LRP1: variants seen among roughly 807,000 people sequenced by gnomAD.
LRP1 encodes the protein LDL receptor related protein 1, also known as prolow-density lipoprotein receptor-related protein 1.
LRP1 carries 51 observed loss-of-function variants against 541.5 expected under a neutral mutation model. The observed-to-expected ratio is 0.09, with a 90% CI of 0.08 to 0.12. LRP1 has a LOEUF of 0.12. Ranked by LOEUF, LRP1 falls within the 10% of genes least tolerant of loss-of-function variation. The pLI, the probability that LRP1 is intolerant of heterozygous loss-of-function variation, is 1.00. For missense variants in LRP1, 3,878 were observed against 6,376.2 expected (o/e 0.61, Z 13.34); for synonymous variants, 2,219 against 2,470.8 (o/e 0.90, Z 3.02).
chr12:57,132,733 C>T (rs2035063705), intron 1 of LRP1, among the ~76,000 whole-genome samples: 1 of 152,204 alleles, frequency 6.6e-6, no homozygotes, highest in Non-Finnish European at 1.5e-5. Flanking sequence ...ATTCTCTGCC[C>T]TGCTTTCTGC....
intron 11 of LRP1, among the ~76,000 whole-genome samples, chr12:57,159,592 CG>C (rs1209902122): frequency 6.6e-6 from 1 of 152,178 alleles, no homozygotes; most frequent in African/African-American, 2.4e-5. Context: ...CCATCTGCCA[CG>C]TGTGGTTTTG....
Position 57,212,921 on chromosome 12 carries a change from T to G in LRP1, c.*366T>G. The G allele has an allele frequency of 5.5e-6, 1 of 183,070 alleles. No homozygotes were observed. The highest frequency in any genetic ancestry group is 1.1e-5 in the Non-Finnish European group (1 of 87,226). The allele number at this position is 183,070 out of a possible 1,614,324, so 11.3% of individuals were successfully genotyped here. ...CTCTCCCCTCTCGCCCCATCCCTGCTTGCCCGCTCCCACAGCTTCCTGAGG... is the reference window on the plus strand; with the variant it reads ...CTCTCCCCTCTCGCCCCATCCCTGCGTGCCCGCTCCCACAGCTTCCTGAGG... On this transcript the variant is annotated 3_prime_UTR_variant, in exon 89 of 89. Transcript: ENST00000243077. This position sits in a 1 kb window ranked among gnomAD's most constrained non-coding sequence, Gnocchi z 5.0.
Position 57,199,935 on chromosome 12 carries a change from C to G in LRP1, c.9924C>G (p.Ser3308=). The G allele has an allele frequency of 6.3e-7, 1 of 1,595,524 alleles. No homozygotes were observed. Among genetic ancestry groups the G allele is most frequent in the South Asian group, 1.1e-5 (1 of 88,490 alleles). The change falls in exon 62 of 89, where the codon TCC becomes TCG. Residue 3308 remains serine (S), a synonymous_variant. Coordinates refer to ENST00000243077, the MANE Select transcript of LRP1 (RefSeq NM_002332.3). ...GCTGCAGCAACCTGTGCCTGCTGTC[C>G]CCCGGGGGAGGGCACAAATGTGCCT... ...NGGCSNLCLL[S]PGGGHKCACP...
At chr12:57,175,804 C>A in intron 23 of LRP1, 99 bp downstream of exon 23, 1 of 1,560,376 alleles carries the variant, frequency 6.4e-7, no homozygotes, top group South Asian at 1.2e-5. Flanking sequence ...GAGTTTTCCA[C>A]CCTAGCCCCC....
rs1401785799 is a variant in LRP1 at position 57,158,760 on chromosome 12, T to G, written c.1798+122T>G. ...GACTGGCTGGCTGCACTGGTTGGCA[T>G]GGAGATGAGGGGATAGACAGATTGA... is the stretch of plus-strand genomic sequence containing the variant. On this transcript the variant is annotated intron_variant, in intron 11 of 88. Coordinates refer to ENST00000243077, the MANE Select transcript of LRP1 (RefSeq NM_002332.3). The surrounding 1 kb of genome is among the most constrained non-coding windows in gnomAD (Gnocchi z 5.3). 2 of 897,580 alleles carry G rather than the reference T, an allele frequency of 2.2e-6. No individual in the cohort carries two copies. The highest frequency in any genetic ancestry group is 4.3e-5 in the Admixed American group (2 of 47,012). The allele number at this position is 897,580 out of a possible 1,614,324, so 55.6% of individuals were successfully genotyped here. A position where few individuals can be genotyped will look rare whatever the true frequency, so the allele number is the denominator to read the frequency against.
chr12:57,168,940 C>T (rs1226464554), intron 19 of LRP1, among the ~76,000 whole-genome samples, 200 bp from the exon 20 acceptor site: 1 of 152,222 alleles, frequency 6.6e-6, no homozygotes, highest in Non-Finnish European at 1.5e-5. Context: ...GCCTTCTCCT[C>T]CTCCTCATCC....
chr12:57,199,727 A>G lies in LRP1; in HGVS notation c.9866-150A>G, dbSNP rs2065816827. 3.1e-6 allele frequency: 3 copies of G among 981,682 alleles called. No individual in the cohort carries two copies. The South Asian group carries it at 5.4e-5, about 18-fold the overall frequency. 60.8% of individuals were successfully genotyped at this position (981,682 alleles called of 1,614,324 possible). A position where few individuals can be genotyped will look rare whatever the true frequency, so the allele number is the denominator to read the frequency against. On this transcript the variant is annotated intron_variant, in intron 61 of 88. Coordinates refer to ENST00000243077, the MANE Select transcript of LRP1 (RefSeq NM_002332.3). ...CCTTCAGGCCTGGCCTGATCCTGGG[A>G]CCTTAGAATCCTCTCCTATCTCCAG...
In LRP1 at chr12:57,209,033, G is replaced by A. The variant is rs1458281428; in HGVS notation, c.12146-50G>A. 7 of 1,480,998 alleles carry A rather than the reference G, an allele frequency of 4.7e-6. No individual in the cohort carries two copies. The South Asian group carries it at 5.7e-5, about 12-fold the overall frequency. 91.7% of individuals were successfully genotyped at this position (1,480,998 alleles called of 1,614,324 possible). A position where few individuals can be genotyped will look rare whatever the true frequency, so the allele number is the denominator to read the frequency against. ...GCATGGAGGCAGTTCTTTCCACCCC[G>A]AGCCTGGGTTGGGGAGGCCAAGCTC... On this transcript the variant is annotated intron_variant, in intron 78 of 88. Coordinates refer to ENST00000243077, the MANE Select transcript of LRP1 (RefSeq NM_002332.3).
At chr12:57,133,636 C>T (rs1472444300) in intron 1 of LRP1, among the ~76,000 whole-genome samples, 2 of 139,818 alleles carry the variant, frequency 1.4e-5, no homozygotes, top group South Asian at 2.7e-4. Context: ...CCCCACCCCA[C>T]CCCCCGCACC....
rs202109412 is a variant in LRP1 at position 57,184,484 on chromosome 12, G to C, written c.6186+32G>C. On this transcript the variant is annotated intron_variant, in intron 38 of 88. Coordinates refer to ENST00000243077, the MANE Select transcript of LRP1 (RefSeq NM_002332.3). This position sits in a 1 kb window ranked among gnomAD's most constrained non-coding sequence, Gnocchi z 7.8. ...ACGCCAACTTGGCCTTGGATCCGATGGTAGACCCCTGACCCAGGCTCCTGT... is the reference window on the plus strand; with the variant it reads ...ACGCCAACTTGGCCTTGGATCCGATCGTAGACCCCTGACCCAGGCTCCTGT... 1 of 1,613,542 alleles carries C rather than the reference G, an allele frequency of 6.2e-7. No homozygotes were observed. Among genetic ancestry groups the C allele is most frequent in the Admixed American group, 1.7e-5 (1 of 59,986 alleles).
Position 57,162,924 on chromosome 12 carries a change from G to A in LRP1, c.2471G>A (p.Ser824Asn), listed in dbSNP as rs773783524. 4.0e-5 allele frequency: 64 copies of A among 1,608,622 alleles called. No homozygotes were observed. Among genetic ancestry groups the A allele is most frequent in the South Asian group, 3.3e-5 (3 of 90,250 alleles). Residue 824 changes from serine (S) to asparagine (N), a missense_variant, in exon 15 of 89, where the codon AGC becomes AAC. Physicochemically the swap from Ser to Asn is conservative, Grantham distance 46. Coordinates refer to ENST00000243077, the MANE Select transcript of LRP1 (RefSeq NM_002332.3). The surrounding 1 kb of genome is among the most constrained non-coding windows in gnomAD (Gnocchi z 5.2). ...AGCCTGTGCTTGGCCACCCCTGGGA[G>A]CCGCCAGTGCGCCTGTGCTGAGGAC... ...CSSLCLATPG[S>N]RQCACAEDQV...
chr12:57,154,054 C>A lies in LRP1; in HGVS notation c.842-154C>A, dbSNP rs2035574113. On this transcript the variant is annotated intron_variant, in intron 6 of 88. Transcript: ENST00000243077. This position sits in a 1 kb window ranked among gnomAD's most constrained non-coding sequence, Gnocchi z 4.6. The stretch of plus-strand genomic sequence containing the variant: ...GCCAGCCAGCATTTACGCAAGCCCT[C>A]CTGTATATCCACTCTGAGCTAAGCA... Among the ~76,000 whole-genome samples, 1 of 152,190 alleles carries A rather than the reference C, an allele frequency of 6.6e-6. No individual in the cohort carries two copies. The highest frequency in any genetic ancestry group is 1.5e-5 in the Non-Finnish European group (1 of 68,036).
Position 57,145,438 on chromosome 12 carries a change from C to G in LRP1, c.789C>G (p.Gly263=). 6.2e-7 allele frequency: 1 copy of G among 1,614,098 alleles called. No homozygotes were observed. The highest frequency in any genetic ancestry group is 8.5e-7 in the Non-Finnish European group (1 of 1,180,012). ...QTQLKCARMP[G]LKGFVDEHTI... is the part of the protein sequence containing the mutation. ...AGCTCAAGTGTGCCCGCATGCCTGG[C>G]CTAAAGGGCTTCGTGGATGAGCACA... Residue 263 remains glycine (G), a synonymous_variant, in exon 6 of 89, where the codon GGC becomes GGG. Transcript: ENST00000243077.
intron 6 of LRP1, among the ~76,000 whole-genome samples, chr12:57,148,189 G>A (rs901607445): frequency 2.6e-4 from 38 of 147,090 alleles, no homozygotes; most frequent in African/African-American, 7.9e-4. Flanking sequence ...TTATAGTTAC[G>A]TTTTTATTTG....
At chr12:57,141,242 AAG>A in intron 2 of LRP1, 130 bp from the exon 3 acceptor site, 1 of 939,840 alleles carries the variant, frequency 1.1e-6, no homozygotes, top group South Asian at 1.7e-5. Flanking sequence ...TTCCAGGTGG[AAG>A]AGTCTAACTA....
rs1330352284 is a variant in LRP1 at position 57,185,013 on chromosome 12, C to T, written c.6338+23C>T. On this transcript the variant is annotated intron_variant, in intron 39 of 88. Transcript: ENST00000243077. The surrounding 1 kb of genome is among the most constrained non-coding windows in gnomAD (Gnocchi z 4.9). ...CAGGTGAGGGCTTCTGTCCTGGCCT[C>T]CTCAGCTGATCTCTTCCTTCCCTCC... The T allele has an allele frequency of 1.2e-6, 2 of 1,613,900 alleles. No homozygotes were observed. The highest frequency in any genetic ancestry group is 1.7e-6 in the Non-Finnish European group (2 of 1,179,810).
In LRP1 at chr12:57,162,558, G is replaced by C. The variant is rs2035758695; in HGVS notation, c.2404+40G>C. Reference sequence around the variant, plus strand: ...CTGGGGGCAGCGTGGGACCTGGAAGGGGTGGTGGGACTTAGGCATTGATTT... The same window carrying C: ...CTGGGGGCAGCGTGGGACCTGGAAGCGGTGGTGGGACTTAGGCATTGATTT... On this transcript the variant is annotated intron_variant, in intron 14 of 88. Transcript: ENST00000243077. This position sits in a 1 kb window ranked among gnomAD's most constrained non-coding sequence, Gnocchi z 5.2. The C allele has an allele frequency of 6.2e-7, 1 of 1,607,806 alleles. No homozygotes were observed. Among genetic ancestry groups the C allele is most frequent in the Non-Finnish European group, 8.5e-7 (1 of 1,176,498 alleles).
rs1013424901 is a variant in LRP1 at position 57,178,705 on chromosome 12, G to A, written c.4606+102G>A. 7.6e-5 allele frequency: 119 copies of A among 1,564,186 alleles called. No homozygotes were observed. Among genetic ancestry groups the A allele is most frequent in the Non-Finnish European group, 1.0e-4 (115 of 1,150,952 alleles). On this transcript the variant is annotated intron_variant, in intron 27 of 88. Transcript: ENST00000243077. This position sits in a 1 kb window ranked among gnomAD's most constrained non-coding sequence, Gnocchi z 5.8. ...GAGAGGGCAGTGAGAACAGGAGCAA[G>A]TCTGTGCTGGGATGGCAGGGGTAGG...
At position 57,173,168 on chromosome 12, in the gene LRP1, C is replaced by A; in HGVS notation, c.3164C>A (p.Ala1055Asp). Residue 1055 changes from alanine (A) to aspartate (D), a missense_variant and splice_region_variant, in exon 21 of 89, where the codon GCC becomes GAC. Physicochemically the swap from Ala to Asp is moderately radical, Grantham distance 126. Around this residue, in one of 13 missense-constraint regions of LRP1, gnomAD observed 320 missense variants for 547.9 expected, o/e 0.58. Transcript: ENST00000243077. The surrounding 1 kb of genome is among the most constrained non-coding windows in gnomAD (Gnocchi z 4.7). ...DETHANCTNQ[A>D]TRPPGGCHTD... is the part of the protein sequence containing the mutation. ...GAGGCCCTCCACTGTCCCTCTGCAG[C>A]CACGAGGCCCCCTGGTGGCTGCCAC... is the stretch of plus-strand genomic sequence containing the variant. 6.2e-7 allele frequency: 1 copy of A among 1,603,230 alleles called. No homozygotes were observed. Among genetic ancestry groups the A allele is most frequent in the Non-Finnish European group, 8.5e-7 (1 of 1,173,554 alleles).
Sources: gnomAD v4.1 joint callset for allele counts (sites outside exome capture counted in the v4.1 genomes callset) on GRCh38, gnomAD v4.1.1 for gene constraint, gnomAD v4.1.1 regional missense constraint, Gnocchi (gnomAD v3.1) non-coding constraint, MANE v1.5 for transcripts, NCBI Gene and HGNC (gene_info 2026-07-23, HGNC 2026-07-21) for gene names.